Variants in THOP1 observed in about 807,000 individuals in gnomAD.
The protein encoded by THOP1 is thimet oligopeptidase.
Under a neutral mutation model 71.8 loss-of-function variants are expected in THOP1, and 49 were observed. That is an observed-to-expected ratio of 0.68 (90% confidence interval 0.54 to 0.87). The LOEUF (loss-of-function observed/expected upper bound fraction) is 0.87, where lower values mean the gene tolerates loss of function less well. Ranked by LOEUF, THOP1 falls within the 40% of genes least tolerant of loss-of-function variation. The pLI is 0.00. For missense variants in THOP1, 843 were observed against 975.6 expected (o/e 0.86, Z 1.81); for synonymous variants, 426 against 421.5 (o/e 1.01, Z -0.13).
In THOP1 at chr19:2,813,708, T is replaced by C. The variant is rs1160317780; in HGVS notation, c.*432T>C. On this transcript the variant is annotated 3_prime_UTR_variant, in exon 13 of 13. Coordinates refer to ENST00000307741, the MANE Select transcript of THOP1 (RefSeq NM_003249.5). The stretch of plus-strand genomic sequence containing the variant: ...GGCTGTTGCCACACCAGGCCCTGGA[T>C]TGGGGCTCAGGTCCTTGTGGGGGCG... 4 of 127,138 alleles carry C rather than the reference T, an allele frequency of 3.1e-5. No homozygotes were observed. The highest frequency in any genetic ancestry group is 6.5e-5 in the Non-Finnish European group (4 of 61,684). The allele number at this position is 127,138 out of a possible 1,614,324, so 7.9% of individuals were successfully genotyped here. A position where few individuals can be genotyped will look rare whatever the true frequency, so the allele number is the denominator to read the frequency against.
chr19:2,810,526 C>G (rs113827893), intron 10 of THOP1, 36 bp downstream of exon 10: 3 of 1,532,536 alleles, frequency 2.0e-6, no homozygotes, highest in Admixed American at 2.0e-5. Flanking sequence ...GTGCTAACCT[C>G]GGGGGGCGGC....
rs73524735 is a variant in THOP1, at chr19:2,813,889, A to G, written c.*613A>G. ...CTCTGGCCATCAAGGACCAGGCTCC[A>G]CTGGTCAGAGAGTCTGGAAAGTCAG... On this transcript the variant is annotated 3_prime_UTR_variant, in exon 13 of 13. Coordinates refer to ENST00000307741, the MANE Select transcript of THOP1 (RefSeq NM_003249.5). 10,408 of 152,410 alleles carry G rather than the reference A, an allele frequency of 0.068. 1,151 individuals are homozygous for G. Among genetic ancestry groups the G allele is most frequent in the African/African-American group, 0.24 (9,817 of 41,422 alleles). The allele number at this position is 152,410 out of a possible 1,614,324, so 9.4% of individuals were successfully genotyped here. A position where few individuals can be genotyped will look rare whatever the true frequency, so the allele number is the denominator to read the frequency against.
chr19:2,813,012 G>C lies in THOP1; in HGVS notation c.1909-103G>C, dbSNP rs2144787900. ...CGGGCCTCCCTGGGAACCTGGAAGG[G>C]GTTGCTCCGAGGCCCCCCTGGGCGA... is the stretch of plus-strand genomic sequence containing the variant. On this transcript the variant is annotated intron_variant, in intron 12 of 12. Transcript: ENST00000307741. 37 of 1,395,492 alleles carry C rather than the reference G, an allele frequency of 2.7e-5. No homozygotes were observed. The South Asian group carries it at 4.8e-4, about 18-fold the overall frequency. 86.4% of individuals were successfully genotyped at this position (1,395,492 alleles called of 1,614,324 possible).
Position 2,810,421 on chromosome 19 carries a change from T to A in THOP1, c.1573T>A (p.Tyr525Asn). 6.2e-7 allele frequency: 1 copy of A among 1,606,900 alleles called. No individual in the cohort carries two copies. The highest frequency in any genetic ancestry group is 8.5e-7 in the Non-Finnish European group (1 of 1,178,550). ...QEPLLRMSRH[Y>N]RTGSAVPREL... Reference sequence around the variant, plus strand: ...GCCGCTGCTGCGGATGTCGCGGCACTACCGCACAGGCAGCGCCGTGCCCCG... The same window carrying A: ...GCCGCTGCTGCGGATGTCGCGGCACAACCGCACAGGCAGCGCCGTGCCCCG... Residue 525 changes from tyrosine (Y) to asparagine (N), a missense_variant, in exon 10 of 13, where the codon TAC (tyrosine) becomes AAC (asparagine). By Grantham distance (143) the Tyr-to-Asn change is moderately radical (BLOSUM62 -2). Coordinates refer to ENST00000307741, the MANE Select transcript of THOP1 (RefSeq NM_003249.5).
Position 2,807,489 on chromosome 19 carries a change from G to T in THOP1, c.934G>T (p.Val312Leu). The change falls in exon 8 of 13, where the codon GTG (valine) becomes TTG (leucine). Residue 312 changes from valine to leucine, a missense_variant. Coordinates refer to ENST00000307741, the MANE Select transcript of THOP1 (RefSeq NM_003249.5). ...GCCCCTGGGGGAGCAGGAGCGTGCG[G>T]TGATTCTGGAGCTGAAGCGTGCGGA... Reference protein sequence around the residue: ...LKPLGEQERAVILELKRAECE... With the variant: ...LKPLGEQERALILELKRAECE... 6.2e-7 allele frequency: 1 copy of T among 1,609,756 alleles called. No individual in the cohort carries two copies. Among genetic ancestry groups the T allele is most frequent in the Non-Finnish European group, 8.5e-7 (1 of 1,178,688 alleles).
At chr19:2,787,688 C>T (rs537677354) in intron 1 of THOP1, among the ~76,000 whole-genome samples, 57 of 152,310 alleles carry the variant, frequency 3.7e-4, no homozygotes, top group African/African-American at 1.3e-3. Flanking sequence ...TCCCACTTAG[C>T]GAATATCATT....
Position 2,808,357 on chromosome 19 carries a change from A to G in THOP1, c.1368A>G (p.Thr456=), listed in dbSNP as rs769919591. Residue 456 remains threonine (T), a synonymous_variant, in exon 9 of 13, where the codon ACA becomes ACG. Transcript: ENST00000307741. ...TGGTGGCCAACTTCACCAAGCCCAC[A>G]GCCGACGCGCCCTCGCTGCTGCAGC... is the stretch of plus-strand genomic sequence containing the variant. The part of the protein sequence containing the change: ...AAMVANFTKP[T]ADAPSLLQHD... 9 of 1,609,740 alleles carry G rather than the reference A, an allele frequency of 5.6e-6. No homozygotes were observed. The Middle Eastern group carries it at 4.9e-4, about 88-fold the overall frequency.
chr19:2,811,587 G>A lies in THOP1; in HGVS notation c.1772-11G>A, dbSNP rs1439740516. 4 of 1,611,138 alleles carry A rather than the reference G, an allele frequency of 2.5e-6. No homozygotes were observed. Among genetic ancestry groups the A allele is most frequent in the South Asian group, 1.1e-5 (1 of 90,896 alleles). ...GGCTACAGCGTGAACCCTGCCATGT[G>A]TCCGCCCCAGGAACCAACATGCCTG... On this transcript the variant is annotated splice_polypyrimidine_tract_variant and intron_variant, in intron 11 of 12. Transcript: ENST00000307741.
At chr19:2,810,511 G>A in intron 10 of THOP1, 21 bp downstream of exon 10, 2 of 1,543,680 alleles carry the variant, frequency 1.3e-6, no homozygotes, top group Non-Finnish European at 1.7e-6. Context: ...CCCGTCCGGG[G>A]AAGGGTGCTA....
At position 2,813,557 on chromosome 19, in the gene THOP1, G is replaced by T. The variant is rs928153398; in HGVS notation, c.*281G>T. 2.4e-5 allele frequency: 10 copies of T among 416,018 alleles called. No homozygotes were observed. Among genetic ancestry groups the T allele is most frequent in the Non-Finnish European group, 3.9e-5 (9 of 232,178 alleles). The allele number at this position is 416,018 out of a possible 1,614,324, so 25.8% of individuals were successfully genotyped here. On this transcript the variant is annotated 3_prime_UTR_variant, in exon 13 of 13. Transcript: ENST00000307741. ...GGGAAACGTCCCTTGTCAGGAGACGGCTCTTCTTTGAAATGAGGTCATTAA... is the reference window on the plus strand; with the variant it reads ...GGGAAACGTCCCTTGTCAGGAGACGTCTCTTCTTTGAAATGAGGTCATTAA...
rs1259006386 is a variant in THOP1, at chr19:2,814,473, TC to T, written c.*1199del. The T allele has an allele frequency of 6.6e-6, 1 of 152,320 alleles. No homozygotes were observed. The highest frequency in any genetic ancestry group is 1.5e-5 in the Non-Finnish European group (1 of 68,146). The allele number at this position is 152,320 out of a possible 1,614,324, so 9.4% of individuals were successfully genotyped here. On this transcript the variant is annotated 3_prime_UTR_variant, in exon 13 of 13. Coordinates refer to ENST00000307741, the MANE Select transcript of THOP1 (RefSeq NM_003249.5). ...TATGGGTGGCCAGACATCCGCCTCG[TC>T]CTCACCTCCATTTGGACAGGACTCC... is the stretch of plus-strand genomic sequence containing the variant.
chr19:2,802,341 A>G (rs1483312896), intron 5 of THOP1, among the ~76,000 whole-genome samples: 9 of 103,210 alleles, frequency 8.7e-5, no homozygotes, highest in Admixed American at 8.6e-4. Context: ...CCACCTCCCG[A>G]CACCAACACC....
intron 1 of THOP1, chr19:2,787,118 C>T (rs1378914012): frequency 6.6e-6 from 1 of 152,064 alleles, no homozygotes; most frequent in Non-Finnish European, 1.5e-5. Flanking sequence ...AGGGTGGTCT[C>T]GAACTTCTGA....
At chr19:2,810,252 G>A in intron 9 of THOP1, 52 bp from the exon 10 acceptor site, 3 of 1,582,006 alleles carry the variant, frequency 1.9e-6, no homozygotes, top group Middle Eastern at 4.3e-4. Context: ...AGGCCGGCGG[G>A]AACGGGCTAG....
At chr19:2,800,277 C>G (rs1372781103) in intron 5 of THOP1, among the ~76,000 whole-genome samples, 1 of 152,322 alleles carries the variant, frequency 6.6e-6, no homozygotes, top group Admixed American at 6.5e-5. Flanking sequence ...CCTCCGTCCC[C>G]CGGGTTCAAG....
chr19:2,790,337 CT>C, intron 1 of THOP1, 83 bp from the exon 2 acceptor site: 6 of 1,326,242 alleles, frequency 4.5e-6, no homozygotes, highest in Non-Finnish European at 6.1e-6. Flanking sequence ...CGGGTGATCC[CT>C]TCCTTTCCCT....
chr19:2,788,080 A>G (rs1915792974), intron 1 of THOP1, among the ~76,000 whole-genome samples: 1 of 152,210 alleles, frequency 6.6e-6, no homozygotes, highest in Non-Finnish European at 1.5e-5. Flanking sequence ...ACAGGAGAGC[A>G]TGGTCTGTAA....
At chr19:2,793,942 G>A (rs1426087983) in intron 2 of THOP1, among the ~76,000 whole-genome samples, 1 of 151,840 alleles carries the variant, frequency 6.6e-6, no homozygotes, top group Non-Finnish European at 1.5e-5. Context: ...GTGTGTTCAT[G>A]TCTCCTGGCT....
intron 3 of THOP1, 114 bp downstream of exon 3, chr19:2,795,026 G>A: frequency 7.7e-7 from 1 of 1,294,774 alleles, no homozygotes; most frequent in Non-Finnish European, 1.1e-6. Flanking sequence ...GTTTCAACGT[G>A]TTGGTCAGGC....
Sources: allele counts gnomAD v4.1 joint callset (sites outside exome capture counted in the v4.1 genomes callset), GRCh38; gene constraint gnomAD v4.1.1; transcripts MANE v1.5; gene names NCBI Gene and HGNC (gene_info 2026-07-23, HGNC 2026-07-21).